Variants in DHCR24 observed in about 807,000 individuals in gnomAD.
The protein encoded by DHCR24 is delta(24)-sterol reductase.
In DHCR24, 28 loss-of-function variants were observed where a neutral mutation model predicts 61.2. That is an observed-to-expected ratio of 0.46 (90% CI 0.34 to 0.63). DHCR24 has a LOEUF of 0.63. Among genes scored for constraint, DHCR24 ranks in the 20% least tolerant of loss-of-function variants. The probability of loss-of-function intolerance (pLI) is 0.01; values close to 1 mark genes in which losing one functional copy is unlikely to be tolerated. For missense variants in DHCR24, 538 were observed against 679.1 expected (o/e 0.79, Z 2.31); for synonymous variants, 261 against 275.9 (o/e 0.95, Z 0.54).
Position 54,885,504 on chromosome 1 carries a change from C to A in DHCR24, c.231+1385G>T, listed in dbSNP as rs148588263. Among the ~76,000 whole-genome samples, 307 of 152,302 alleles carry A rather than the reference C, an allele frequency of 2.0e-3. 2 individuals carry two copies. Among genetic ancestry groups the A allele is most frequent in the African/African-American group, 7.1e-3 (294 of 41,566 alleles). On this transcript the variant is annotated intron_variant, in intron 1 of 8. Coordinates refer to ENST00000371269, the MANE Select transcript of DHCR24 (RefSeq NM_014762.4). ...GAAATCGAGCTAACCTAGGTTCTAGCCCCATTTACTGACTAGTCTTCCTGA... is the reference window on the plus strand; with the variant it reads ...GAAATCGAGCTAACCTAGGTTCTAGACCCATTTACTGACTAGTCTTCCTGA...
intron 2 of DHCR24, among the ~76,000 whole-genome samples, chr1:54,882,133 G>T (rs76125365): frequency 5.7e-4 from 3 of 5,280 alleles, no homozygotes; most frequent in South Asian, 0.013. Flanking sequence ...AAGTTTAAAA[G>T]AAAAAAAAAA....
In DHCR24 at chr1:54,870,137, G is replaced by T. The variant is rs556215042; in HGVS notation, c.876+1213C>A. Among the ~76,000 whole-genome samples, 499 of 151,864 alleles carry T rather than the reference G, an allele frequency of 3.3e-3. 2 individuals carry two copies. Among genetic ancestry groups the T allele is most frequent in the African/African-American group, 0.012 (480 of 41,418 alleles). On this transcript the variant is annotated intron_variant, in intron 5 of 8. Coordinates refer to ENST00000371269, the MANE Select transcript of DHCR24 (RefSeq NM_014762.4). ...CTTAGGAGGCTAAGGCAGGAGGATT[G>T]CTTGAGCCCTGGAGTTCAAGGCTAC...
chr1:54,873,544 ATG>A lies in DHCR24; in HGVS notation c.612+1547_612+1548del, dbSNP rs566524514. 8.5e-5 allele frequency among the ~76,000 whole-genome samples: 13 copies of A among 152,348 alleles called. 1 individual carries two copies. In the South Asian group the frequency reaches 2.1e-3, roughly 24 times the overall value. On this transcript the variant is annotated intron_variant, in intron 4 of 8. Coordinates refer to ENST00000371269, the MANE Select transcript of DHCR24 (RefSeq NM_014762.4). ...CATTGTTGTCAGAGATGACAGCTCC[ATG>A]TGTGTTATTGCCCCTGAAGACTTTC...
At chr1:54,875,500 A>G (rs568502286) in intron 3 of DHCR24, among the ~76,000 whole-genome samples, 5 of 152,104 alleles carry the variant, frequency 3.3e-5, no homozygotes, top group Non-Finnish European at 5.9e-5. Flanking sequence ...ATCTGTGTGC[A>G]TTCATCTTGA....
rs192001623 is a variant in DHCR24 at position 54,869,678 on chromosome 1, G to A, written c.876+1672C>T. On this transcript the variant is annotated intron_variant, in intron 5 of 8. Coordinates refer to ENST00000371269, the MANE Select transcript of DHCR24 (RefSeq NM_014762.4). ...GTACTTTGGGAGGCTGAGGTGGGAA[G>A]ACTGCTTGAGGCCAGGAGTTCAAGA... is the stretch of plus-strand genomic sequence containing the variant. 1.7e-3 allele frequency among the ~76,000 whole-genome samples: 262 copies of A among 152,234 alleles called. 1 individual carries two copies. The highest frequency in any genetic ancestry group is 6.0e-3 in the African/African-American group (251 of 41,528).
Position 54,854,172 on chromosome 1 carries a change from G to C in DHCR24, c.1083C>G (p.Pro361=), listed in dbSNP as rs751530041. 2.5e-6 allele frequency: 4 copies of C among 1,614,124 alleles called. No homozygotes were observed. In the Admixed American group the frequency reaches 5.0e-5, roughly 20 times the overall value. ...GGGTCAGCTTCAGGAGGGAGATCTT[G>C]GGAGGCACCATCCAGCCAAAGAGGT... is the stretch of plus-strand genomic sequence containing the variant. The part of the protein sequence containing the change: ...FRYLFGWMVP[P]KISLLKLTQG... The change falls in exon 7 of 9, where the codon CCC becomes CCG. Residue 361 remains proline (P), a synonymous_variant. Transcript: ENST00000371269.
In DHCR24 at chr1:54,883,992, G is replaced by T. The variant is rs920582168; in HGVS notation, c.232-219C>A. Among the ~76,000 whole-genome samples the T allele has an allele frequency of 6.6e-6, 1 of 152,232 alleles. No homozygotes were observed. The highest frequency in any genetic ancestry group is 2.4e-5 in the African/African-American group (1 of 41,464). ...TTGCTACACCACAAGGCAGAATGAT[G>T]AAAGAGCTAGAAGAGAGGATCGAAG... On this transcript the variant is annotated intron_variant, in intron 1 of 8. Coordinates refer to ENST00000371269, the MANE Select transcript of DHCR24 (RefSeq NM_014762.4). This position sits in a 1 kb window ranked among gnomAD's most constrained non-coding sequence, Gnocchi z 4.3.
At chr1:54,870,800 T>C (rs1337051932) in intron 5 of DHCR24, among the ~76,000 whole-genome samples, 1 of 152,218 alleles carries the variant, frequency 6.6e-6, no homozygotes, top group Non-Finnish European at 1.5e-5. Context: ...GAGTCTTTTC[T>C]TTCCTTTTTA....
chr1:54,878,083 A>C (rs1208694978), intron 2 of DHCR24, among the ~76,000 whole-genome samples: 2 of 151,992 alleles, frequency 1.3e-5, no homozygotes, highest in African/African-American at 4.8e-5. Flanking sequence ...TGGAGAGGAG[A>C]GAGTTGCACA....
rs756575190 is a variant in DHCR24, at chr1:54,875,975, G to C, written c.460C>G (p.Pro154Ala). The part of the protein sequence containing the change: ...ALLTSIGWTL[P>A]VLPELDDLTV... ...AGGTCATCAAGCTCAGGCAACACGG[G>C]GAGAGTCCAGCCAATGGAGGTCAGC... is the stretch of plus-strand genomic sequence containing the variant. The change falls in exon 3 of 9, where the codon CCC (proline) becomes GCC (alanine). Residue 154 changes from proline (P) to alanine (A), a missense_variant. By Grantham distance (27) the Pro-to-Ala change is conservative. Transcript: ENST00000371269. The C allele has an allele frequency of 2.5e-6, 4 of 1,613,946 alleles. No homozygotes were observed. The highest frequency in any genetic ancestry group is 8.5e-7 in the Non-Finnish European group (1 of 1,179,864).
At chr1:54,880,398 A>C (rs1350476874) in intron 2 of DHCR24, among the ~76,000 whole-genome samples, 2 of 152,240 alleles carry the variant, frequency 1.3e-5, no homozygotes, top group Non-Finnish European at 2.9e-5. Flanking sequence ...GTTTCTATAA[A>C]AATTCTACAA....
chr1:54,886,593 A>T lies in DHCR24; in HGVS notation c.231+296T>A, dbSNP rs772284797. 19 of 1,426,770 alleles carry T rather than the reference A, an allele frequency of 1.3e-5. No individual in the cohort carries two copies. The South Asian group carries it at 2.1e-4, about 16-fold the overall frequency. 88.4% of individuals were successfully genotyped at this position (1,426,770 alleles called of 1,614,324 possible). ...CTCCCGGAAGCCTTTCCTTCTCTGA[A>T]ATGCTTGGGCCGGGTGAGAGTTACC... is the stretch of plus-strand genomic sequence containing the variant. On this transcript the variant is annotated intron_variant, in intron 1 of 8. Coordinates refer to ENST00000371269, the MANE Select transcript of DHCR24 (RefSeq NM_014762.4).
chr1:54,870,746 C>A (rs1193405067), intron 5 of DHCR24, among the ~76,000 whole-genome samples: 3 of 152,236 alleles, frequency 2.0e-5, no homozygotes, highest in Non-Finnish European at 4.4e-5. Context: ...CAACTGTGTA[C>A]CAAACACATT....
Position 54,885,329 on chromosome 1 carries a change from C to T in DHCR24, c.232-1556G>A, listed in dbSNP as rs529154476. Among the ~76,000 whole-genome samples, 4 of 152,238 alleles carry T rather than the reference C, an allele frequency of 2.6e-5. No individual in the cohort carries two copies. The East Asian group carries it at 7.7e-4, about 29-fold the overall frequency. ...AGATGGGAGGGAGTGATTAGGGGTGCTGCACTGAAGCTGGAGGCCAAACAG... is the reference window on the plus strand; with the variant it reads ...AGATGGGAGGGAGTGATTAGGGGTGTTGCACTGAAGCTGGAGGCCAAACAG... On this transcript the variant is annotated intron_variant, in intron 1 of 8. Transcript: ENST00000371269.
intron 1 of DHCR24, 38 bp downstream of exon 1, chr1:54,886,851 T>TCCGGCCCTGAGTCCCGGCCGCAC: frequency 6.4e-7 from 1 of 1,563,574 alleles, no homozygotes; most frequent in Middle Eastern, 1.7e-4. Context: ...GCACGCCGCC[T>TCCGGCCCTGAGTCCCGGCCGCAC]CCGGCCCTGA....
chr1:54,852,302 T>A lies in DHCR24; in HGVS notation c.1482A>T (p.Arg494=). 2.5e-6 allele frequency: 4 copies of A among 1,614,198 alleles called. No homozygotes were observed. Among genetic ancestry groups the A allele is most frequent in the Non-Finnish European group, 3.4e-6 (4 of 1,180,050 alleles). Residue 494 remains arginine, a synonymous_variant, in exon 9 of 9, where the codon CGA becomes CGT. Coordinates refer to ENST00000371269, the MANE Select transcript of DHCR24 (RefSeq NM_014762.4). ...AGGCGTCCTGGCAACCCAGCTTCTC[T>A]CGCAGCTTGTGGTACAAGGAGCCAT... ...MFDGSLYHKL[R]EKLGCQDAFP... is the part of the protein sequence containing the mutation.
intron 4 of DHCR24, among the ~76,000 whole-genome samples, chr1:54,874,152 G>C (rs1164126407): frequency 6.6e-6 from 1 of 152,194 alleles, no homozygotes; most frequent in African/African-American, 2.4e-5. Flanking sequence ...TAAGCTAACA[G>C]TATTTATTAT....
intron 2 of DHCR24, among the ~76,000 whole-genome samples, chr1:54,881,296 A>G (rs1647062623): frequency 6.6e-6 from 1 of 152,362 alleles, no homozygotes; most frequent in Non-Finnish European, 1.5e-5. Flanking sequence ...AACTTACAAG[A>G]ACAAAACAAC....
Position 54,875,828 on chromosome 1 carries a change from C to T in DHCR24, c.493+114G>A. The T allele has an allele frequency of 4.9e-6, 4 of 821,588 alleles. No individual in the cohort carries two copies. The South Asian group carries it at 5.6e-5, about 12-fold the overall frequency. The allele number at this position is 821,588 out of a possible 1,614,324, so 50.9% of individuals were successfully genotyped here. A position where few individuals can be genotyped will look rare whatever the true frequency, so the allele number is the denominator to read the frequency against. On this transcript the variant is annotated intron_variant, in intron 3 of 8. Transcript: ENST00000371269. ...AGGCAAGTAAGAGACTGAATGACTT[C>T]TGTCACAGATGGAATAGCGGCAATT...
Sources: allele counts gnomAD v4.1 joint callset (sites outside exome capture counted in the v4.1 genomes callset), GRCh38; gene constraint gnomAD v4.1.1; non-coding constraint Gnocchi (gnomAD v3.1); transcripts MANE v1.5; gene names NCBI Gene and HGNC (gene_info 2026-07-23, HGNC 2026-07-21).